The following UVRAG variants were observed in gnomAD, a reference collection of about 807,000 sequenced individuals.
The protein encoded by UVRAG is UV radiation resistance associated, also known as UV radiation resistance-associated gene protein.
A neutral mutation model predicts 78.0 loss-of-function variants in UVRAG; 19 were observed. That is an observed-to-expected ratio of 0.24 (90% confidence interval 0.17 to 0.36). The LOEUF (loss-of-function observed/expected upper bound fraction) is 0.36. Ranked by LOEUF, UVRAG falls within the 10% of genes least tolerant of loss-of-function variation. UVRAG has a pLI of 1.00. For missense variants in UVRAG, 740 were observed against 853.8 expected, an observed-to-expected ratio of 0.87 and a Z score of 1.66; for synonymous variants, 323 against 324.6, an observed-to-expected ratio of 1.00 and a Z score of 0.05.
intron 12 of UVRAG, among the ~76,000 whole-genome samples, chr11:76,034,314 C>T (rs1950489940): frequency 6.6e-6 from 1 of 152,060 alleles, no homozygotes; most frequent in South Asian, 2.1e-4. Flanking sequence ...ACCTCAGCCT[C>T]CCGAATACCT....
chr11:75,918,084 G>T (rs901915959), intron 6 of UVRAG, among the ~76,000 whole-genome samples: 2 of 151,842 alleles, frequency 1.3e-5, no homozygotes. Flanking sequence ...AAAGATACGT[G>T]GGCTGGGTGT....
At chr11:75,836,009 G>A (rs758145368) in intron 1 of UVRAG, among the ~76,000 whole-genome samples, 4 of 152,086 alleles carry the variant, frequency 2.6e-5, no homozygotes, top group Admixed American at 1.3e-4. Flanking sequence ...GCTGAGGCAG[G>A]AGAATCGCTT....
chr11:75,997,649 G>A (rs115893560), intron 8 of UVRAG, among the ~76,000 whole-genome samples: 3 of 152,296 alleles, frequency 2.0e-5, no homozygotes, highest in African/African-American at 7.2e-5. Context: ...GGATAGCAAA[G>A]GTTTTGGCAC....
At chr11:75,956,411 G>A (rs1424116064) in intron 6 of UVRAG, among the ~76,000 whole-genome samples, 4 of 143,560 alleles carry the variant, frequency 2.8e-5, no homozygotes, top group Non-Finnish European at 4.5e-5. Context: ...TTTTGAGATG[G>A]AATCTTGCTC....
At chr11:76,012,320 GA>G (rs542024632) in intron 11 of UVRAG, among the ~76,000 whole-genome samples, 145 of 140,090 alleles carry the variant, frequency 1.0e-3, no homozygotes, top group Admixed American at 3.8e-3. Flanking sequence ...TTTAAAAAAG[GA>G]AAAAAAAAAA....
intron 9 of UVRAG, among the ~76,000 whole-genome samples, chr11:76,005,725 C>T (rs578214667): frequency 2.0e-5 from 3 of 152,366 alleles, no homozygotes; most frequent in East Asian, 1.9e-4. Context: ...TGCTTCTGAT[C>T]GACCTGCTTT....
chr11:76,081,950 A>C (rs1023944682), intron 13 of UVRAG, among the ~76,000 whole-genome samples: 43 of 152,182 alleles, frequency 2.8e-4, no homozygotes, highest in African/African-American at 1.0e-3. Context: ...AAAAAAAAAA[A>C]AAAAATCCAC....
At chr11:75,909,769 C>A (rs902887988) in intron 5 of UVRAG, among the ~76,000 whole-genome samples, 4 of 152,086 alleles carry the variant, frequency 2.6e-5, no homozygotes, top group African/African-American at 9.7e-5. Context: ...CTTTTTTAAT[C>A]TTTATAATGT....
At chr11:76,063,574 C>T (rs542432956) in intron 12 of UVRAG, among the ~76,000 whole-genome samples, 9 of 152,168 alleles carry the variant, frequency 5.9e-5, no homozygotes, top group East Asian at 3.9e-4. Flanking sequence ...ACAGTAGAGT[C>T]GGTGAATTTT....
intron 14 of UVRAG, among the ~76,000 whole-genome samples, chr11:76,116,884 C>A (rs1952191794): frequency 6.6e-6 from 1 of 152,132 alleles, no homozygotes; most frequent in Non-Finnish European, 1.5e-5. Context: ...TGTGGTTGGT[C>A]TTTACTTTGA....
At chr11:76,081,751 G>T (rs373819754) in intron 13 of UVRAG, among the ~76,000 whole-genome samples, 1 of 152,068 alleles carries the variant, frequency 6.6e-6, no homozygotes, top group South Asian at 2.1e-4. Context: ...TTGAAGATTT[G>T]TATATGAGAA....
At chr11:75,861,699 CT>C (rs1264790920) in intron 2 of UVRAG, 46 bp from the exon 3 acceptor site, 2 of 1,425,188 alleles carry the variant, frequency 1.4e-6, no homozygotes, top group Non-Finnish European at 2.0e-6. Flanking sequence ...GGTTAATGGG[CT>C]TATTTTCTTT....
chr11:75,953,214 A>G (rs547583372), intron 6 of UVRAG, among the ~76,000 whole-genome samples: 1 of 152,016 alleles, frequency 6.6e-6, no homozygotes, highest in African/African-American at 2.4e-5. Flanking sequence ...GGACAGAGCC[A>G]TTTGTTACTT....
chr11:75,830,272 G>A (rs1945624171), intron 1 of UVRAG, among the ~76,000 whole-genome samples: 1 of 151,692 alleles, frequency 6.6e-6, no homozygotes, highest in Admixed American at 6.6e-5. Context: ...CTTACAGCAA[G>A]TAAGTATTCT....
At chr11:75,920,135 TC>T (rs895797998) in intron 6 of UVRAG, among the ~76,000 whole-genome samples, 4 of 148,152 alleles carry the variant, frequency 2.7e-5, no homozygotes, top group Non-Finnish European at 3.0e-5. Context: ...AAGCGATTCT[TC>T]TGCCTCAGCC....
chr11:75,893,171 C>T (rs1176760367), intron 5 of UVRAG, among the ~76,000 whole-genome samples: 3 of 144,566 alleles, frequency 2.1e-5, no homozygotes, highest in Admixed American at 1.3e-4. Flanking sequence ...AGCAAGACTC[C>T]GTCTCAAAAA....
chr11:76,116,144 G>T, intron 14 of UVRAG, 129 bp downstream of exon 14: 1 of 868,376 alleles, frequency 1.2e-6, no homozygotes, highest in East Asian at 2.7e-5. Context: ...GGAGGAAAAT[G>T]AAAGGCGCCA....
At chr11:75,887,704 C>A (rs940781700) in intron 4 of UVRAG, among the ~76,000 whole-genome samples, 7 of 152,182 alleles carry the variant, frequency 4.6e-5, no homozygotes, top group African/African-American at 1.7e-4. Flanking sequence ...GCCTTGGCCT[C>A]CCAAAGTGCT....
chr11:75,832,359 A>G (rs1945677402), intron 1 of UVRAG, among the ~76,000 whole-genome samples: 1 of 152,192 alleles, frequency 6.6e-6, no homozygotes, highest in Admixed American at 6.5e-5. Flanking sequence ...CTATAAACTG[A>G]AGGTTACCAT....
Sources: gnomAD v4.1 joint callset for allele counts (sites outside exome capture counted in the v4.1 genomes callset) on GRCh38, gnomAD v4.1.1 for gene constraint, MANE v1.5 for transcripts, NCBI Gene and HGNC (gene_info 2026-07-23, HGNC 2026-07-21) for gene names.